BCL11A: variants seen among roughly 807,000 people sequenced by gnomAD.
BCL11A encodes the protein B cell CLL/lymphoma 11A.
Under a neutral mutation model 55.9 loss-of-function variants are expected in BCL11A, and 2 were observed. The ratio of observed to expected loss-of-function variants is 0.04; its 90% CI spans 0.01 to 0.11. BCL11A has a LOEUF of 0.11. BCL11A is among the 10% of genes least tolerant of loss of function. The probability of loss-of-function intolerance (pLI) is 1.00; values close to 1 mark genes in which losing one functional copy is unlikely to be tolerated. For synonymous variants in BCL11A, 465 were observed against 473.4 expected (o/e 0.98, Z 0.23); for missense variants, 817 against 1,137.1 (o/e 0.72, Z 4.05).
intron 2 of BCL11A, among the ~76,000 whole-genome samples, chr2:60,469,804 T>C (rs964345047): frequency 6.6e-6 from 1 of 152,210 alleles, no homozygotes; most frequent in Admixed American, 6.5e-5. Context: ...TAACTAACCA[T>C]GTAGCTGTCC....
intron 2 of BCL11A, among the ~76,000 whole-genome samples, chr2:60,491,429 T>C (rs1208076783): frequency 6.6e-6 from 1 of 152,034 alleles, no homozygotes; most frequent in African/African-American, 2.4e-5. Flanking sequence ...TCCCAGCACT[T>C]TGGGAGGCCG....
intron 2 of BCL11A, among the ~76,000 whole-genome samples, chr2:60,488,967 T>C (rs1678456046): frequency 6.6e-6 from 1 of 151,924 alleles, no homozygotes; most frequent in Non-Finnish European, 1.5e-5. Context: ...TCCATGTTGG[T>C]CAGGCTGGTC....
At chr2:60,512,275 G>A (rs544122651) in intron 2 of BCL11A, among the ~76,000 whole-genome samples, 1 of 152,170 alleles carries the variant, frequency 6.6e-6, no homozygotes, top group African/African-American at 2.4e-5. Context: ...TGCCCGATGC[G>A]CTGATGTGGA....
intron 2 of BCL11A, among the ~76,000 whole-genome samples, chr2:60,478,484 A>T (rs1677760249): frequency 6.6e-6 from 1 of 152,182 alleles, no homozygotes; most frequent in South Asian, 2.1e-4. Context: ...TGGTGTGTGG[A>T]CTTCAGGGGA....
At chr2:60,507,956 C>T (rs45607134) in intron 2 of BCL11A, among the ~76,000 whole-genome samples, 5 of 152,188 alleles carry the variant, frequency 3.3e-5, no homozygotes, top group African/African-American at 4.8e-5. Flanking sequence ...ATATTACACA[C>T]GCAGATTTCT....
chr2:60,461,028 C>T lies in BCL11A; in HGVS notation c.1884G>A (p.Ser628=). The change falls in exon 4 of 4, where the codon TCG becomes TCA. Residue 628 remains serine, a synonymous_variant. Transcript: ENST00000642384. ...SKKLLLGSPS[S]LSPFSKRIKL... ...TGATGCGCTTAGAGAAGGGGCTCAGCGAGCTGGGGCTGCCCAGCAGCAGCT... is the reference window on the plus strand; with the variant it reads ...TGATGCGCTTAGAGAAGGGGCTCAGTGAGCTGGGGCTGCCCAGCAGCAGCT... 5 of 1,607,336 alleles carry T rather than the reference C, an allele frequency of 3.1e-6. No homozygotes were observed. Among genetic ancestry groups the T allele is most frequent in the East Asian group, 2.2e-5 (1 of 44,718 alleles).
Position 60,461,424 on chromosome 2 carries a change from TTCTTCC to T in BCL11A, c.1482_1487del (p.Glu503_Glu504del). The T allele has an allele frequency of 1.2e-6, 2 of 1,604,416 alleles. No individual in the cohort carries two copies. The highest frequency in any genetic ancestry group is 1.7e-6 in the Non-Finnish European group (2 of 1,178,654). On this transcript the variant is annotated inframe_deletion, in exon 4 of 4. Transcript: ENST00000642384. ...GCTCCTCCTCCTCCTCTTCCTCCTC[TTCTTCC>T]TCTTCCTCGTCGTCCTCCTCTTCCT...
rs544615680 is a variant in BCL11A, at chr2:60,458,453, A to T, written c.*1951T>A. The T allele has an allele frequency of 5.5e-4, 568 of 1,024,128 alleles. No individual in the cohort carries two copies. Among genetic ancestry groups the T allele is most frequent in the East Asian group, 1.6e-3 (26 of 15,882 alleles). 63.4% of individuals were successfully genotyped at this position (1,024,128 alleles called of 1,614,324 possible). ...AAAATTTTTCTTAACATTTATATTT[A>T]AAAAAGTTTTGTACAAAAAAATCCT... is the stretch of plus-strand genomic sequence containing the variant. On this transcript the variant is annotated 3_prime_UTR_variant, in exon 4 of 4. Transcript: ENST00000642384.
intron 2 of BCL11A, among the ~76,000 whole-genome samples, chr2:60,486,547 A>T (rs1678289390): frequency 6.6e-6 from 1 of 152,154 alleles, no homozygotes; most frequent in South Asian, 2.1e-4. Flanking sequence ...AAGCCTTGAA[A>T]TTTTCCCTAT....
chr2:60,454,580 T>A (rs570075026), downstream of BCL11A, among the ~76,000 whole-genome samples: 1 of 152,272 alleles, frequency 6.6e-6, no homozygotes, highest in African/African-American at 2.4e-5. Flanking sequence ...GAAGTCATGT[T>A]CATGTGTGTA....
At chr2:60,495,736 C>T (rs567364308) in intron 2 of BCL11A, 12 of 152,292 alleles carry the variant, frequency 7.9e-5, no homozygotes, top group African/African-American at 2.9e-4. Flanking sequence ...TCTCAATGGG[C>T]CCTCAATCAG....
intron 2 of BCL11A, among the ~76,000 whole-genome samples, chr2:60,511,802 A>C (rs1489424730): frequency 1.3e-5 from 2 of 152,244 alleles, no homozygotes; most frequent in Non-Finnish European, 2.9e-5. Context: ...GGAGTCATTA[A>C]TTCTTCTCCA....
In BCL11A at chr2:60,461,797, G is replaced by T; in HGVS notation, c.1115C>A (p.Pro372His). 1 of 1,613,854 alleles carries T rather than the reference G, an allele frequency of 6.2e-7. No individual in the cohort carries two copies. The highest frequency in any genetic ancestry group is 8.5e-7 in the Non-Finnish European group (1 of 1,179,986). ...CTCGCATGACTTGGACTTGACCGGG[G>T]GCTGGGAGGGAGGAGGGGCGGATTG... is the stretch of plus-strand genomic sequence containing the variant. ...PLQSAPPPSQ[P>H]PVKSKSCEFC... Residue 372 changes from proline (P) to histidine (H), a missense_variant, in exon 4 of 4, where the codon CCC becomes CAC. By Grantham distance (77) the Pro-to-His change is moderately conservative. Transcript: ENST00000642384.
intron 2 of BCL11A, among the ~76,000 whole-genome samples, chr2:60,520,814 C>T (rs544004048): frequency 4.0e-5 from 6 of 151,670 alleles, no homozygotes; most frequent in East Asian, 1.9e-4. Flanking sequence ...AGCCACCAAC[C>T]GAACCAAAAA....
At chr2:60,452,524 C>T (rs376997415), downstream of BCL11A, 128 of 1,438,680 alleles carry the variant, frequency 8.9e-5, no homozygotes, top group Admixed American at 2.5e-4. Flanking sequence ...ACCACGCTGA[C>T]GTCGACTGGG....
At chr2:60,527,931 A>T (rs986909922) in intron 2 of BCL11A, 4 of 152,286 alleles carry the variant, frequency 2.6e-5, no homozygotes, top group Non-Finnish European at 4.4e-5. Flanking sequence ...CTGTGGAGTG[A>T]CTGGGAGAGG....
intron 2 of BCL11A, among the ~76,000 whole-genome samples, chr2:60,490,181 T>C (rs1678542685): frequency 6.6e-6 from 1 of 152,190 alleles, no homozygotes; most frequent in Non-Finnish European, 1.5e-5. Flanking sequence ...ACCAACTCCA[T>C]CCTCTAGAAC....
chr2:60,471,957 G>A (rs1437313801), intron 2 of BCL11A, among the ~76,000 whole-genome samples: 1 of 152,198 alleles, frequency 6.6e-6, no homozygotes, highest in African/African-American at 2.4e-5. Flanking sequence ...CAGCACTGCT[G>A]TCTTAGGGTA....
intron 2 of BCL11A, among the ~76,000 whole-genome samples, chr2:60,479,319 G>A (rs908304459): frequency 6.6e-6 from 1 of 152,170 alleles, no homozygotes; most frequent in Non-Finnish European, 1.5e-5. Context: ...CACACACCAC[G>A]GTGGGACCCG....
Sources: allele counts gnomAD v4.1 joint callset (sites outside exome capture counted in the v4.1 genomes callset), GRCh38; gene constraint gnomAD v4.1.1; transcripts MANE v1.5; gene names NCBI Gene and HGNC (gene_info 2026-07-23, HGNC 2026-07-21).